The following TMEM132B variants were observed in gnomAD, a reference collection of about 807,000 sequenced individuals.
TMEM132B encodes transmembrane protein 132B.
TMEM132B carries 18 observed loss-of-function variants against 90.8 expected under a neutral mutation model. That is an observed-to-expected ratio of 0.20 (90% CI 0.14 to 0.29). The LOEUF (loss-of-function observed/expected upper bound fraction) is 0.29. Ranked by LOEUF, TMEM132B falls within the 10% of genes least tolerant of loss-of-function variation. The pLI is 1.00. For synonymous variants in TMEM132B, 504 were observed against 523.3 expected, an observed-to-expected ratio of 0.96 and a Z score of 0.50; for missense variants, 1,096 against 1,326.8, an observed-to-expected ratio of 0.83 and a Z score of 2.70.
At position 125,281,473 on chromosome 12, in the gene TMEM132B, A is replaced by G. The variant is rs980012087; in HGVS notation, c.68-67979A>G. 2.0e-5 allele frequency among the ~76,000 whole-genome samples: 3 copies of G among 152,128 alleles called. No homozygotes were observed. In the East Asian group the frequency reaches 5.8e-4, roughly 29 times the overall value. ...CGAAAGCCCACCCCGGTGGCTTTGA[A>G]TCAGTTTTCCCCTCTTGCTTTCTGT... On this transcript the variant is annotated intron_variant, in intron 1 of 8. Transcript: ENST00000682704.
intron 1 of TMEM132B, among the ~76,000 whole-genome samples, chr12:125,273,158 A>G (rs1186026956): frequency 1.3e-5 from 2 of 152,168 alleles, no homozygotes. Context: ...GAACACACAT[A>G]TATCTCTATT....
intron 3 of TMEM132B, among the ~76,000 whole-genome samples, chr12:125,421,703 G>A (rs973526877): frequency 6.6e-6 from 1 of 152,172 alleles, no homozygotes; most frequent in African/African-American, 2.4e-5. Flanking sequence ...TTTGAGCAGA[G>A]GGAAAGGTCA....
At chr12:125,545,544 G>A (rs1884067997) in intron 4 of TMEM132B, among the ~76,000 whole-genome samples, 2 of 152,266 alleles carry the variant, frequency 1.3e-5, no homozygotes, top group South Asian at 4.2e-4. Context: ...CACGAGATTT[G>A]GTGCTGACAC....
chr12:125,623,708 CA>C (rs1160692183), intron 5 of TMEM132B, among the ~76,000 whole-genome samples: 1 of 152,188 alleles, frequency 6.6e-6, no homozygotes, highest in African/African-American at 2.4e-5. Context: ...CAATATTTTG[CA>C]GATGAGTCAG....
chr12:125,629,265 C>T (rs960517096), intron 5 of TMEM132B, among the ~76,000 whole-genome samples: 1 of 151,690 alleles, frequency 6.6e-6, no homozygotes, highest in Admixed American at 6.6e-5. Context: ...ACAATACTTC[C>T]AGCACATGAA....
At chr12:125,531,059 C>A (rs924185142) in intron 4 of TMEM132B, among the ~76,000 whole-genome samples, 3 of 152,230 alleles carry the variant, frequency 2.0e-5, no homozygotes, top group African/African-American at 7.2e-5. Context: ...AAATCTCCAG[C>A]CATTCACTCA....
intron 4 of TMEM132B, among the ~76,000 whole-genome samples, chr12:125,526,527 T>C (rs748778025): frequency 1.3e-5 from 2 of 152,214 alleles, no homozygotes; most frequent in Non-Finnish European, 2.9e-5. Context: ...TCTGCACTCA[T>C]GGAATTGCCC....
chr12:125,602,008 AT>A (rs1477178841), intron 5 of TMEM132B, among the ~76,000 whole-genome samples: 1 of 152,192 alleles, frequency 6.6e-6, no homozygotes, highest in Non-Finnish European at 1.5e-5. Context: ...AACCAGACAG[AT>A]TCACAGCCGA....
chr12:125,628,838 T>C (rs1691894692), intron 5 of TMEM132B, among the ~76,000 whole-genome samples: 2 of 152,154 alleles, frequency 1.3e-5, no homozygotes, highest in East Asian at 3.8e-4. Context: ...TGGTAAGATA[T>C]AGAGGTTTAG....
At chr12:125,313,301 C>CAGAT (rs966891612) in intron 1 of TMEM132B, among the ~76,000 whole-genome samples, 12 of 152,158 alleles carry the variant, frequency 7.9e-5, no homozygotes, top group African/African-American at 2.9e-4. Flanking sequence ...TGTGTCCAGT[C>CAGAT]AGATAGACGC....
At position 125,458,151 on chromosome 12, in the gene TMEM132B, G is replaced by C. The variant is rs1881343558; in HGVS notation, c.1106+42474G>C. Among the ~76,000 whole-genome samples the C allele has an allele frequency of 1.3e-5, 2 of 152,024 alleles. No individual in the cohort carries two copies. Among genetic ancestry groups the C allele is most frequent in the Non-Finnish European group, 2.9e-5 (2 of 67,990 alleles). On this transcript the variant is annotated intron_variant, in intron 3 of 8. Transcript: ENST00000682704. This position sits in a 1 kb window ranked among gnomAD's most constrained non-coding sequence, Gnocchi z 4.9. ...CTAGAACCAGCAGGACTCAGGGACA[G>C]AATCTGTGTGGGGGATGGAGCTGAG... is the stretch of plus-strand genomic sequence containing the variant.
intron 1 of TMEM132B, among the ~76,000 whole-genome samples, chr12:125,292,967 G>A (rs1209687254): frequency 1.3e-5 from 2 of 152,236 alleles, no homozygotes; most frequent in Non-Finnish European, 2.9e-5. Flanking sequence ...GCAAATGTAT[G>A]GGGAATGGTT....
intron 2 of TMEM132B, among the ~76,000 whole-genome samples, chr12:125,390,345 T>G (rs1480489240): frequency 6.6e-6 from 1 of 152,252 alleles, no homozygotes; most frequent in Admixed American, 6.5e-5. Flanking sequence ...AAACTTAACG[T>G]TGATCCATAG....
intron 3 of TMEM132B, among the ~76,000 whole-genome samples, chr12:125,466,068 G>A (rs915747729): frequency 6.6e-6 from 1 of 152,140 alleles, no homozygotes; most frequent in African/African-American, 2.4e-5. Context: ...CACAAAAATG[G>A]CCTAAGACGC....
In TMEM132B at chr12:125,277,489, G is replaced by T. The variant is rs1593065544; in HGVS notation, c.68-71963G>T. ...GCAAGACTCTGTCTCAAAAAAAAAA[G>T]ATGAAGAGGGAGAACACACACACAC... On this transcript the variant is annotated intron_variant, in intron 1 of 8. Coordinates refer to ENST00000682704, the MANE Select transcript of TMEM132B (RefSeq NM_001366854.1). This position sits in a 1 kb window ranked among gnomAD's most constrained non-coding sequence, Gnocchi z 4.3. 9.4e-6 allele frequency among the ~76,000 whole-genome samples: 1 copy of T among 105,990 alleles called. No homozygotes were observed. Among genetic ancestry groups the T allele is most frequent in the South Asian group, 2.9e-4 (1 of 3,436 alleles). The allele number at this position is 105,990 out of a possible 152,430, so 69.5% of individuals were successfully genotyped here.
chr12:125,326,056 C>A (rs565523414), intron 1 of TMEM132B, among the ~76,000 whole-genome samples: 64 of 152,312 alleles, frequency 4.2e-4, no homozygotes, highest in African/African-American at 1.4e-3. Flanking sequence ...GGGCCTCCAG[C>A]CTCCTACCAC....
chr12:125,383,306 C>T (rs1042894770), intron 2 of TMEM132B, among the ~76,000 whole-genome samples: 2 of 152,102 alleles, frequency 1.3e-5, no homozygotes, highest in African/African-American at 2.4e-5. Flanking sequence ...AGCAACATAC[C>T]ACCCAAACTC....
At chr12:125,528,559 G>C (rs1016355359) in intron 4 of TMEM132B, among the ~76,000 whole-genome samples, 2 of 152,208 alleles carry the variant, frequency 1.3e-5, no homozygotes, top group African/African-American at 4.8e-5. Context: ...GGTGAATGGC[G>C]ATGAATTAGG....
intron 3 of TMEM132B, among the ~76,000 whole-genome samples, chr12:125,461,598 A>G (rs551958642): frequency 6.6e-6 from 1 of 152,376 alleles, no homozygotes; most frequent in African/African-American, 2.4e-5. Flanking sequence ...CAATTTTTGA[A>G]TGTTGACACT....
Sources: allele counts gnomAD v4.1 joint callset (sites outside exome capture counted in the v4.1 genomes callset), GRCh38; gene constraint gnomAD v4.1.1; non-coding constraint Gnocchi (gnomAD v3.1); transcripts MANE v1.5; gene names NCBI Gene and HGNC (gene_info 2026-07-23, HGNC 2026-07-21).